The following IGF1R variants were observed in gnomAD, a reference collection of about 807,000 sequenced individuals.
IGF1R encodes insulin like growth factor 1 receptor, also known as insulin-like growth factor 1 receptor.
In IGF1R, 44 loss-of-function variants were observed where a neutral mutation model predicts 144.6. The ratio of observed to expected loss-of-function variants is 0.30; its 90% CI spans 0.24 to 0.39. The LOEUF (loss-of-function observed/expected upper bound fraction) is 0.39, where lower values mean the gene tolerates loss of function less well. Ranked by LOEUF, IGF1R falls within the 10% of genes least tolerant of loss-of-function variation. IGF1R has a pLI of 1.00. For synonymous variants in IGF1R, 795 were observed against 722.8 expected, an observed-to-expected ratio of 1.10 and a Z score of -1.60; for missense variants, 1,355 against 1,833.7, an observed-to-expected ratio of 0.74 and a Z score of 4.77.
intron 17 of IGF1R, among the ~76,000 whole-genome samples, chr15:98,936,486 C>G (rs2016153610): frequency 6.6e-6 from 1 of 152,136 alleles, no homozygotes; most frequent in African/African-American, 2.4e-5. Context: ...CTCCGTGGGT[C>G]TGAAGTCTTT....
chr15:98,728,573 G>C (rs887362994), intron 2 of IGF1R, among the ~76,000 whole-genome samples: 2 of 152,260 alleles, frequency 1.3e-5, no homozygotes, highest in Admixed American at 6.5e-5. Flanking sequence ...ATTAGCAGCA[G>C]ACGTTCAAGA....
At chr15:98,913,823 C>T (rs986607745) in intron 8 of IGF1R, among the ~76,000 whole-genome samples, 1 of 152,172 alleles carries the variant, frequency 6.6e-6, no homozygotes, top group African/African-American at 2.4e-5. Flanking sequence ...TCTCATTTCT[C>T]AACTCCAGAT....
intron 19 of IGF1R, among the ~76,000 whole-genome samples, chr15:98,947,673 C>T (rs970444672): frequency 6.6e-6 from 1 of 152,150 alleles, no homozygotes; most frequent in African/African-American, 2.4e-5. Context: ...TTTTGTTTTC[C>T]AGTGGTTTGA....
intron 2 of IGF1R, among the ~76,000 whole-genome samples, chr15:98,777,974 T>A (rs951981682): frequency 2.0e-5 from 3 of 152,182 alleles, no homozygotes; most frequent in Non-Finnish European, 2.9e-5. Context: ...CTCTTTTGTT[T>A]TTGATGTGTG....
chr15:98,701,058 T>C (rs1303487545), intron 1 of IGF1R, among the ~76,000 whole-genome samples: 1 of 152,014 alleles, frequency 6.6e-6, no homozygotes, highest in Non-Finnish European at 1.5e-5. Context: ...CTAGAGAGGG[T>C]TTTTGTTGTA....
At chr15:98,823,386 C>T (rs138309075) in intron 2 of IGF1R, among the ~76,000 whole-genome samples, 1 of 152,328 alleles carries the variant, frequency 6.6e-6, no homozygotes, top group East Asian at 1.9e-4. Flanking sequence ...ATGGTTTAAG[C>T]TGTTTCCCTC....
intron 2 of IGF1R, among the ~76,000 whole-genome samples, chr15:98,773,877 G>A (rs1236370997): frequency 6.6e-6 from 1 of 152,192 alleles, no homozygotes; most frequent in African/African-American, 2.4e-5. Flanking sequence ...CAAAGCCATT[G>A]TGGGGTGAGA....
chr15:98,739,656 T>C (rs2054693012), intron 2 of IGF1R, among the ~76,000 whole-genome samples: 1 of 152,198 alleles, frequency 6.6e-6, no homozygotes, highest in African/African-American at 2.4e-5. Context: ...TTGTCCAGGC[T>C]GGAGTGCAGT....
intron 2 of IGF1R, 122 bp downstream of exon 2, chr15:98,708,229 G>T: frequency 5.8e-6 from 5 of 867,426 alleles, no homozygotes; most frequent in Non-Finnish European, 9.4e-6. Flanking sequence ...GTTGCATTTA[G>T]GACGTGGCAT....
chr15:98,920,419 G>A (rs1462762040), intron 10 of IGF1R, among the ~76,000 whole-genome samples: 1 of 152,188 alleles, frequency 6.6e-6, no homozygotes, highest in Non-Finnish European at 1.5e-5. Context: ...CAGTTAAATG[G>A]GGGTGGGCTG....
chr15:98,928,216 A>G (rs1046072856), intron 13 of IGF1R, among the ~76,000 whole-genome samples: 1 of 152,106 alleles, frequency 6.6e-6, no homozygotes, highest in African/African-American at 2.4e-5. Context: ...GTCATACTGT[A>G]TGAGCCTCAT....
intron 19 of IGF1R, 68 bp downstream of exon 19, chr15:98,943,120 T>C: frequency 1.3e-6 from 2 of 1,554,878 alleles, no homozygotes; most frequent in Non-Finnish European, 1.8e-6. Flanking sequence ...CAGCTCAGTC[T>C]CTAGGGCTTT....
rs553149317 is a variant in IGF1R at position 98,935,084 on chromosome 15, C to T, written c.3186+31C>T. On this transcript the variant is annotated intron_variant, in intron 16 of 20. Coordinates refer to ENST00000650285, the MANE Select transcript of IGF1R (RefSeq NM_000875.5). The surrounding 1 kb of genome is among the most constrained non-coding windows in gnomAD (Gnocchi z 4.2). ...AGAAAGTTCCTGAAAAGCCAAAATG[C>T]AGCACAGGGAGAGGGTATCACACAA... is the stretch of plus-strand genomic sequence containing the variant. 1.3e-6 allele frequency: 2 copies of T among 1,532,816 alleles called. No individual in the cohort carries two copies. The highest frequency in any genetic ancestry group is 2.7e-5 in the African/African-American group (2 of 73,562). 95.0% of individuals were successfully genotyped at this position (1,532,816 alleles called of 1,614,324 possible). A position where few individuals can be genotyped will look rare whatever the true frequency, so the allele number is the denominator to read the frequency against.
At chr15:98,806,811 T>A (rs2056481701) in intron 2 of IGF1R, among the ~76,000 whole-genome samples, 1 of 152,144 alleles carries the variant, frequency 6.6e-6, no homozygotes, top group African/African-American at 2.4e-5. Context: ...AACATTGATG[T>A]GAGAGCTTTA....
At chr15:98,675,582 A>G (rs1171836319) in intron 1 of IGF1R, among the ~76,000 whole-genome samples, 1 of 152,194 alleles carries the variant, frequency 6.6e-6, no homozygotes, top group East Asian at 1.9e-4. Flanking sequence ...ATAGAATAGC[A>G]GTCTCTTCAT....
intron 2 of IGF1R, among the ~76,000 whole-genome samples, chr15:98,886,518 T>C (rs1488774499): frequency 1.3e-5 from 2 of 152,194 alleles, no homozygotes; most frequent in African/African-American, 2.4e-5. Flanking sequence ...TTTGTTAGTT[T>C]ATAGCAGCTT....
chr15:98,858,683 G>C (rs922858666), intron 2 of IGF1R, among the ~76,000 whole-genome samples: 1 of 152,192 alleles, frequency 6.6e-6, no homozygotes, highest in Non-Finnish European at 1.5e-5. Context: ...ACGAGGTCTC[G>C]CCTGGGCTTC....
At chr15:98,650,798 T>C (rs995854668) in intron 1 of IGF1R, 13 of 673,862 alleles carry the variant, frequency 1.9e-5, no homozygotes, top group East Asian at 2.7e-4. Context: ...GCCCCGCACT[T>C]CCTTTGTACG....
chr15:98,658,955 A>G (rs1206863104), intron 1 of IGF1R, among the ~76,000 whole-genome samples: 2 of 152,244 alleles, frequency 1.3e-5, no homozygotes, highest in Admixed American at 6.5e-5. Flanking sequence ...TACTTTAAAC[A>G]TTCATAGAAA....
Sources: allele counts gnomAD v4.1 joint callset (sites outside exome capture counted in the v4.1 genomes callset), GRCh38; gene constraint gnomAD v4.1.1; non-coding constraint Gnocchi (gnomAD v3.1); transcripts MANE v1.5; gene names NCBI Gene and HGNC (gene_info 2026-07-23, HGNC 2026-07-21).